BRINP2: variants seen among roughly 807,000 people sequenced by gnomAD.
BRINP2 encodes BMP/retinoic acid inducible neural specific 2.
In BRINP2, 21 loss-of-function variants were observed where a neutral mutation model predicts 69.2. The observed-to-expected ratio is 0.30, with a 90% CI of 0.22 to 0.44. The LOEUF (loss-of-function observed/expected upper bound fraction) is 0.44, where lower values mean the gene tolerates loss of function less well. BRINP2 is among the 20% of genes least tolerant of loss of function. The pLI is 1.00. For synonymous variants in BRINP2, 380 were observed against 394.1 expected (o/e 0.96, Z 0.42); for missense variants, 877 against 986.0 (o/e 0.89, Z 1.48).
intron 3 of BRINP2, chr1:177,256,823 A>G: frequency 8.6e-7 from 1 of 1,159,012 alleles, no homozygotes; most frequent in Non-Finnish European, 1.1e-6. Flanking sequence ...GCCCTTCCTG[A>G]GGGAGCAGAA....
intron 4 of BRINP2, among the ~76,000 whole-genome samples, chr1:177,262,478 C>T (rs953986179): frequency 6.6e-6 from 1 of 150,908 alleles, no homozygotes; most frequent in African/African-American, 2.4e-5. Context: ...CGCCACTGCA[C>T]TCCAGCCTGG....
intron 1 of BRINP2, among the ~76,000 whole-genome samples, chr1:177,227,734 T>C (rs1649740125): frequency 6.6e-6 from 1 of 152,220 alleles, no homozygotes; most frequent in Non-Finnish European, 1.5e-5. Context: ...CAATATTAGG[T>C]ATAAAATATT....
At chr1:177,261,836 G>A (rs1650964324) in intron 4 of BRINP2, among the ~76,000 whole-genome samples, 2 of 152,192 alleles carry the variant, frequency 1.3e-5, no homozygotes, top group Admixed American at 1.3e-4. Flanking sequence ...CAAGAAGACT[G>A]AGACAGAACA....
chr1:177,250,710 A>G (rs1347196787), intron 2 of BRINP2, among the ~76,000 whole-genome samples: 1 of 152,198 alleles, frequency 6.6e-6, no homozygotes, highest in Non-Finnish European at 1.5e-5. Context: ...ATATGGCACT[A>G]TTGAAACTCT....
intron 4 of BRINP2, among the ~76,000 whole-genome samples, chr1:177,269,642 C>T (rs143991141): frequency 1.7e-4 from 26 of 152,316 alleles, no homozygotes; most frequent in African/African-American, 5.8e-4. Flanking sequence ...TCTGTTCTCC[C>T]ATCCCTCTGA....
chr1:177,258,858 T>G lies in BRINP2; in HGVS notation c.669+1474T>G, dbSNP rs1157930481. Reference sequence around the variant, plus strand: ...TGTGTGCTCTGACTGGTCCACCAACTGGCTGTTCCCCTATCTCTCTCACTT... The same window carrying G: ...TGTGTGCTCTGACTGGTCCACCAACGGGCTGTTCCCCTATCTCTCTCACTT... On this transcript the variant is annotated intron_variant, in intron 4 of 7. Transcript: ENST00000361539. Among the ~76,000 whole-genome samples the G allele has an allele frequency of 4.6e-5, 7 of 152,194 alleles. No individual in the cohort carries two copies. The East Asian group carries it at 1.4e-3, about 29-fold the overall frequency.
In BRINP2 at chr1:177,272,817, T is replaced by G. The variant is rs186337142; in HGVS notation, c.670-671T>G. Among the ~76,000 whole-genome samples the G allele has an allele frequency of 1.4e-3, 220 of 152,366 alleles. 1 individual carries two copies. Among genetic ancestry groups the G allele is most frequent in the African/African-American group, 5.2e-3 (217 of 41,588 alleles). ...ATTTTAGTGCATTTAAAGCTTCCCATTTTTCATCTTATACTTTAAACATCA... is the reference window on the plus strand; with the variant it reads ...ATTTTAGTGCATTTAAAGCTTCCCAGTTTTCATCTTATACTTTAAACATCA... On this transcript the variant is annotated intron_variant, in intron 4 of 7. Transcript: ENST00000361539.
chr1:177,273,648 A>C, intron 5 of BRINP2, 55 bp downstream of exon 5: 3 of 1,118,546 alleles, frequency 2.7e-6, no homozygotes, highest in Non-Finnish European at 3.7e-6. Context: ...AAAAAAAAAA[A>C]TTCCTAGATC....
chr1:177,208,808 T>C (rs1041952783), intron 1 of BRINP2, among the ~76,000 whole-genome samples: 1 of 152,206 alleles, frequency 6.6e-6, no homozygotes, highest in Non-Finnish European at 1.5e-5. Context: ...AATAACACAA[T>C]TGGAGTTTAT....
intron 4 of BRINP2, among the ~76,000 whole-genome samples, chr1:177,265,355 G>A (rs1360452227): frequency 6.6e-6 from 1 of 152,060 alleles, no homozygotes; most frequent in Non-Finnish European, 1.5e-5. Context: ...GAAAACCTAG[G>A]CAATATAATC....
intron 2 of BRINP2, among the ~76,000 whole-genome samples, chr1:177,254,293 G>T (rs1044242447): frequency 2.0e-5 from 3 of 151,648 alleles, no homozygotes; most frequent in Non-Finnish European, 2.9e-5. Flanking sequence ...ACTTTAATTT[G>T]AATAAAAGCA....
In BRINP2 at chr1:177,254,717, ACT is replaced by A. The variant is rs1650697930; in HGVS notation, c.270-1199_270-1198del. Among the ~76,000 whole-genome samples the A allele has an allele frequency of 2.0e-5, 3 of 152,216 alleles. No homozygotes were observed. In the South Asian group the frequency reaches 6.2e-4, roughly 32 times the overall value. Reference sequence around the variant, plus strand: ...AAAAAAAAAAAATGAATTAAGCCAGACTCTGCAAGGAAAACAACTGACAGTAT... The same window carrying A: ...AAAAAAAAAAAATGAATTAAGCCAGACTGCAAGGAAAACAACTGACAGTAT... On this transcript the variant is annotated intron_variant, in intron 2 of 7. Coordinates refer to ENST00000361539, the MANE Select transcript of BRINP2 (RefSeq NM_021165.4).
At chr1:177,209,250 C>T (rs1649155320) in intron 1 of BRINP2, among the ~76,000 whole-genome samples, 1 of 151,978 alleles carries the variant, frequency 6.6e-6, no homozygotes, top group Non-Finnish European at 1.5e-5. Flanking sequence ...AGATCTGAAA[C>T]CATCTTTAAT....
At chr1:177,276,109 C>A in intron 5 of BRINP2, 89 bp from the exon 6 acceptor site, 1 of 1,248,756 alleles carries the variant, frequency 8.0e-7, no homozygotes, top group Non-Finnish European at 1.1e-6. Context: ...GTCAGCAGAA[C>A]TCCAGCTGGG....
At chr1:177,229,733 T>C (rs1487585720) in intron 1 of BRINP2, 68 bp from the exon 2 acceptor site, 31 of 1,146,906 alleles carry the variant, frequency 2.7e-5, no homozygotes, top group Admixed American at 1.2e-4. Context: ...AACCCAATTA[T>C]GTGTGATGCT....
chr1:177,250,833 G>A (rs1650557987), intron 2 of BRINP2, among the ~76,000 whole-genome samples: 1 of 152,192 alleles, frequency 6.6e-6, no homozygotes, highest in Non-Finnish European at 1.5e-5. Context: ...CAGACAGTCT[G>A]TGTTTAAATC....
intron 2 of BRINP2, among the ~76,000 whole-genome samples, chr1:177,233,117 T>C (rs1265074370): frequency 1.3e-5 from 2 of 152,220 alleles, no homozygotes; most frequent in Non-Finnish European, 2.9e-5. Context: ...ATTAGGATGT[T>C]GGAGTATGCT....
intron 1 of BRINP2, among the ~76,000 whole-genome samples, chr1:177,209,087 A>G (rs564438785): frequency 4.5e-4 from 69 of 152,240 alleles, no homozygotes; most frequent in African/African-American, 1.6e-3. Flanking sequence ...GTTCCGCTCA[A>G]CAACACAGGG....
intron 2 of BRINP2, among the ~76,000 whole-genome samples, chr1:177,234,672 C>G (rs1190891842): frequency 2.0e-5 from 3 of 152,148 alleles, no homozygotes; most frequent in Non-Finnish European, 2.9e-5. Context: ...GAAAGCAATG[C>G]TGAATGGAAT....
Sources: gnomAD v4.1 joint callset for allele counts (sites outside exome capture counted in the v4.1 genomes callset) on GRCh38, gnomAD v4.1.1 for gene constraint, MANE v1.5 for transcripts, NCBI Gene and HGNC (gene_info 2026-07-23, HGNC 2026-07-21) for gene names.